Variants in ZBED6 observed in about 807,000 individuals in gnomAD.
The protein encoded by ZBED6 is zinc finger BED domain-containing protein 6.
A neutral mutation model predicts 58.4 loss-of-function variants in ZBED6; 40 were observed. The ratio of observed to expected loss-of-function variants is 0.68; its 90% CI spans 0.53 to 0.89. ZBED6 has a LOEUF of 0.89. Ranked by LOEUF, ZBED6 falls within the 40% of genes least tolerant of loss-of-function variation. The pLI, the probability that ZBED6 is intolerant of heterozygous loss-of-function variation, is 0.00. For synonymous variants in ZBED6, 439 were observed against 350.6 expected (o/e 1.25, Z -2.82); for missense variants, 1,057 against 1,003.9 (o/e 1.05, Z -0.71).
chr1:203,796,053 C>T (rs1176523243), exon 1 of ZBED6: 1 of 150,764 alleles, frequency 6.6e-6, no homozygotes, highest in Non-Finnish European at 1.5e-5. Context: ...ACCCCACCCC[C>T]ACGGCGCCTG....
chr1:203,831,116 G>A (rs1259139406), intron 7 of ZBED6, among the ~76,000 whole-genome samples: 1 of 151,474 alleles, frequency 6.6e-6, no homozygotes, highest in Non-Finnish European at 1.5e-5. Context: ...GGGTAATTTT[G>A]TATTTTTGGT....
chr1:203,838,908 A>T (rs1685191359), intron 10 of ZBED6, among the ~76,000 whole-genome samples: 2 of 148,572 alleles, frequency 1.3e-5, no homozygotes, highest in African/African-American at 5.0e-5. Context: ...AGCCAAGATC[A>T]GTCACCACTG....
intron 3 of ZBED6, among the ~76,000 whole-genome samples, chr1:203,827,491 T>G (rs1680920545): frequency 6.6e-6 from 1 of 151,814 alleles, no homozygotes; most frequent in South Asian, 2.1e-4. Context: ...CCATCCTGGC[T>G]AACATGGTAA....
intron 1 of ZBED6, among the ~76,000 whole-genome samples, chr1:203,812,965 G>A (rs1299183649): frequency 1.3e-5 from 2 of 152,136 alleles, no homozygotes; most frequent in East Asian, 3.8e-4. Flanking sequence ...TTTTCCATCT[G>A]TATACCTTCT....
chr1:203,835,006 C>T (rs1572224189), intron 9 of ZBED6, among the ~76,000 whole-genome samples: 1 of 152,122 alleles, frequency 6.6e-6, no homozygotes, highest in African/African-American at 2.4e-5. Context: ...TTTTAAATGT[C>T]CTAAAAAGGA....
intron 11 of ZBED6, among the ~76,000 whole-genome samples, chr1:203,841,001 A>G (rs921294754): frequency 1.3e-5 from 2 of 152,138 alleles, no homozygotes; most frequent in African/African-American, 4.8e-5. Context: ...TATGATAGTT[A>G]TGTGCTAAAA....
intron 16 of ZBED6, 110 bp downstream of exon 16, chr1:203,851,234 G>C: frequency 5.1e-6 from 5 of 977,000 alleles, no homozygotes; most frequent in Non-Finnish European, 7.5e-6. Context: ...TAAATCTGTT[G>C]CACTTCAAAT....
chr1:203,831,918 C>T, intron 8 of ZBED6, 147 bp downstream of exon 8: 2 of 638,602 alleles, frequency 3.1e-6, no homozygotes, highest in South Asian at 2.2e-5. Flanking sequence ...AAAGTTGGTA[C>T]ATTCAACTCT....
chr1:203,829,408 T>C (rs756231756), intron 4 of ZBED6, 43 bp from the exon 5 acceptor site: 2 of 1,608,008 alleles, frequency 1.2e-6, no homozygotes, highest in South Asian at 2.2e-5. Context: ...AAGTTGGGGT[T>C]GTATCTTCTG....
chr1:203,812,173 A>C (rs894486194), intron 1 of ZBED6, among the ~76,000 whole-genome samples: 4 of 152,170 alleles, frequency 2.6e-5, no homozygotes, highest in African/African-American at 9.7e-5. Flanking sequence ...TTTGTTACAC[A>C]GGTAAATGTG....
At chr1:203,849,427 A>G (rs1688741503) in intron 13 of ZBED6, among the ~76,000 whole-genome samples, 1 of 152,216 alleles carries the variant, frequency 6.6e-6, no homozygotes. Flanking sequence ...ATTTGTACAT[A>G]AATCTTTGTG....
exon 1 of ZBED6, chr1:203,798,240 C>T (rs1669300930): frequency 3.3e-6 from 5 of 1,536,070 alleles, no homozygotes; most frequent in Non-Finnish European, 4.4e-6. Flanking sequence ...ATCTGATGCC[C>T]TAAGGGCAGA....
chr1:203,807,404 G>GCC (rs1672745427), intron 1 of ZBED6, among the ~76,000 whole-genome samples: 1 of 152,134 alleles, frequency 6.6e-6, no homozygotes, highest in Non-Finnish European at 1.5e-5. Context: ...TCCAGCGTCA[G>GCC]CCCCCTGAGT....
intron 3 of ZBED6, among the ~76,000 whole-genome samples, chr1:203,819,682 G>A (rs1677824039): frequency 6.6e-6 from 1 of 150,658 alleles, no homozygotes; most frequent in Non-Finnish European, 1.5e-5. Flanking sequence ...TTACAGGCAT[G>A]CACTACCATG....
chr1:203,830,085 G>C (rs1486823850), intron 6 of ZBED6, 38 bp from the exon 7 acceptor site: 3 of 1,503,212 alleles, frequency 2.0e-6, no homozygotes, highest in Admixed American at 1.9e-5. Context: ...AGATGAAAAG[G>C]CTCCCGTTCC....
exon 17 of ZBED6, chr1:203,853,887 G>A (rs1457391881): frequency 2.0e-5 from 3 of 152,630 alleles, no homozygotes; most frequent in African/African-American, 4.8e-5. Context: ...AGCAGAGGTA[G>A]AATGTTCAGG....
chr1:203,831,244 GAA>G (rs977289520), intron 7 of ZBED6, among the ~76,000 whole-genome samples: 31 of 152,102 alleles, frequency 2.0e-4, no homozygotes, highest in Admixed American at 7.9e-4. Flanking sequence ...TATATAGAGA[GAA>G]ATGGTTCTAA....
chr1:203,804,693 A>G (rs1357126975), intron 1 of ZBED6, among the ~76,000 whole-genome samples: 1 of 125,234 alleles, frequency 8.0e-6, no homozygotes, highest in Non-Finnish European at 1.7e-5. Flanking sequence ...TTTTTTTGAT[A>G]TGGAGTATTG....
At position 203,829,717 on chromosome 1, in the gene ZBED6, A is replaced by T. The variant is rs1681640039; in HGVS notation, c.*3201+63A>T. On this transcript the variant is annotated intron_variant, in intron 5 of 16. Coordinates refer to ENST00000550078, the Ensembl canonical transcript of ZBED6. ...TAGGGTCTCATAGTGAATTGGGCAG[A>T]ATCAGGATTAAAGCTATAGGCGTAT... The T allele has an allele frequency of 6.8e-6, 11 of 1,612,210 alleles. No individual in the cohort carries two copies. The Admixed American group carries it at 1.0e-4, about 15-fold the overall frequency.
Sources: allele counts gnomAD v4.1 joint callset (sites outside exome capture counted in the v4.1 genomes callset), GRCh38; gene constraint gnomAD v4.1.1; transcripts MANE v1.5; gene names NCBI Gene and HGNC (gene_info 2026-07-23, HGNC 2026-07-21).